Variants in VPS13C observed in about 807,000 individuals in gnomAD.
VPS13C encodes intermembrane lipid transfer protein VPS13C.
VPS13C carries 358 observed loss-of-function variants against 456.8 expected under a neutral mutation model. That is an observed-to-expected ratio of 0.78 (90% CI 0.72 to 0.86). The LOEUF is 0.86. Among genes scored for constraint, VPS13C ranks in the 40% least tolerant of loss-of-function variants. The pLI, the probability that VPS13C is intolerant of heterozygous loss-of-function variation, is 0.00. For missense variants in VPS13C, 4,818 were observed against 4,385.4 expected (o/e 1.10, Z -2.79); for synonymous variants, 1,578 against 1,486.7 (o/e 1.06, Z -1.41).
In VPS13C at chr15:61,890,903, C is replaced by T. The variant is rs62009079; in HGVS notation, c.9106-503G>A. Among the ~76,000 whole-genome samples the T allele has an allele frequency of 2.9e-3, 445 of 152,172 alleles. 2 individuals are homozygous for T. The highest frequency in any genetic ancestry group is 4.5e-3 in the Non-Finnish European group (304 of 67,998). On this transcript the variant is annotated intron_variant, in intron 66 of 84. Coordinates refer to ENST00000644861, the MANE Select transcript of VPS13C (RefSeq NM_020821.3). ...CTCCACTAAAAATACAAAAATTAGC[C>T]AGGCATGGTGGCGGGCACCTGTAAT...
Position 61,925,473 on chromosome 15 carries a change from T to C in VPS13C, c.6592A>G (p.Lys2198Glu), listed in dbSNP as rs1313014669. The C allele has an allele frequency of 6.3e-7, 1 of 1,582,042 alleles. No homozygotes were observed. Among genetic ancestry groups the C allele is most frequent in the Non-Finnish European group, 8.6e-7 (1 of 1,161,944 alleles). ...GTACTAACCTTAATTATAAATTCTTTAACCATAATATTTATATTTTGCTTT... is the reference window on the plus strand; with the variant it reads ...GTACTAACCTTAATTATAAATTCTTCAACCATAATATTTATATTTTGCTTT... ...SGKQNINIMV[K>E]EFIIKISPII... Residue 2198 changes from lysine (K) to glutamate (E), a missense_variant, in exon 53 of 85, where the codon AAA becomes GAA. Lys to Glu is a moderately conservative substitution (Grantham distance 56, BLOSUM62 1). This residue lies in a region of VPS13C where 4,552 missense variants were observed against 4,130.6 expected (regional missense o/e 1.10). Transcript: ENST00000644861.
intron 23 of VPS13C, among the ~76,000 whole-genome samples, chr15:61,978,398 T>C (rs910768225): frequency 5.9e-5 from 9 of 152,332 alleles, no homozygotes; most frequent in African/African-American, 9.6e-5. Flanking sequence ...TAGGCTTAGA[T>C]TGAAATGGAG....
intron 15 of VPS13C, among the ~76,000 whole-genome samples, chr15:62,006,141 A>G (rs1243042285): frequency 6.6e-6 from 1 of 151,528 alleles, no homozygotes; most frequent in Non-Finnish European, 1.5e-5. Context: ...TCTAGGGTAC[A>G]TGCGCACATT....
At chr15:61,886,484 T>C (rs1896280869) in intron 67 of VPS13C, among the ~76,000 whole-genome samples, 1 of 152,088 alleles carries the variant, frequency 6.6e-6, no homozygotes, top group Non-Finnish European at 1.5e-5. Flanking sequence ...ATGACGGATA[T>C]ATATCAGTAA....
chr15:62,038,970 A>G (rs2048153369), intron 3 of VPS13C, among the ~76,000 whole-genome samples: 1 of 152,216 alleles, frequency 6.6e-6, no homozygotes, highest in Admixed American at 6.5e-5. Flanking sequence ...GCATGGATAC[A>G]GAGGAGAGGG....
In VPS13C at chr15:61,853,904, T is replaced by G; in HGVS notation, c.*553A>C. 6.6e-6 allele frequency: 1 copy of G among 151,302 alleles called. No homozygotes were observed. The highest frequency in any genetic ancestry group is 1.5e-5 in the Non-Finnish European group (1 of 68,154). The allele number at this position is 151,302 out of a possible 1,614,324, so 9.4% of individuals were successfully genotyped here. A position where few individuals can be genotyped will look rare whatever the true frequency, so the allele number is the denominator to read the frequency against. The stretch of plus-strand genomic sequence containing the variant: ...AAAAAAAAAAAAAATTACCCAGGCG[T>G]GGTGGCACACACCTGTAATCCCAGC... On this transcript the variant is annotated 3_prime_UTR_variant, in exon 85 of 85. Transcript: ENST00000644861.
In VPS13C at chr15:62,010,632, C is replaced by A. The variant is rs1486903962; in HGVS notation, c.884-33G>T. ...CACATGGGAAGACATAAGATATGTTCATATGCTTTTACATATAAACAAGTG... is the reference window on the plus strand; with the variant it reads ...CACATGGGAAGACATAAGATATGTTAATATGCTTTTACATATAAACAAGTG... On this transcript the variant is annotated intron_variant, in intron 12 of 84. Coordinates refer to ENST00000644861, the MANE Select transcript of VPS13C (RefSeq NM_020821.3). 4 of 1,556,226 alleles carry A rather than the reference C, an allele frequency of 2.6e-6. No individual in the cohort carries two copies. The South Asian group carries it at 3.7e-5, about 14-fold the overall frequency.
At chr15:61,943,911 C>CTA in intron 45 of VPS13C, among the ~76,000 whole-genome samples, 1 of 82,388 alleles carries the variant, frequency 1.2e-5, no homozygotes, top group Admixed American at 1.1e-4. Flanking sequence ...CATCCAGAAT[C>CTA]TATAAAAAAA....
At chr15:61,943,332 C>T (rs1325578846) in intron 45 of VPS13C, among the ~76,000 whole-genome samples, 1 of 151,962 alleles carries the variant, frequency 6.6e-6, no homozygotes, top group African/African-American at 2.4e-5. Flanking sequence ...GCAAAAAGAA[C>T]AAAGCTGAGG....
At chr15:61,864,675 A>G (rs1894421454) in intron 81 of VPS13C, 2 of 985,436 alleles carry the variant, frequency 2.0e-6, no homozygotes, top group Non-Finnish European at 2.4e-6. Context: ...AAAGCCATGA[A>G]TAAGGAAGAG....
intron 40 of VPS13C, 130 bp from the exon 41 acceptor site, chr15:61,950,547 A>C (rs1289150674): frequency 2.7e-6 from 2 of 732,930 alleles, no homozygotes; most frequent in Non-Finnish European, 4.3e-6. Context: ...AAGGCAAAGA[A>C]AGCCATTCAA....
chr15:61,990,276 G>GA (rs562021437), intron 18 of VPS13C, among the ~76,000 whole-genome samples: 56 of 152,196 alleles, frequency 3.7e-4, no homozygotes, highest in African/African-American at 1.3e-3. Context: ...AATGATGGGG[G>GA]ATCTAGGGAC....
chr15:61,856,438 C>G (rs1273543076), intron 82 of VPS13C, 29 bp from the exon 83 acceptor site: 28 of 1,609,206 alleles, frequency 1.7e-5, no homozygotes, highest in Non-Finnish European at 2.0e-5. Flanking sequence ...CAAAAACTTA[C>G]AGTAAATGAT....
rs753568052 is a variant in VPS13C, at chr15:62,060,355, A to G, written c.20T>C (p.Val7Ala). ...CAGGAAGCGGTTCAGCAAGTCCGCG[A>G]CCACCGACTCCAGCACCATGGTGGC... MVLESV[V>A]ADLLNRFLGD... The change falls in exon 1 of 85, where the codon GTC (valine) becomes GCC (alanine). Residue 7 changes from valine to alanine, a missense_variant. Coordinates refer to ENST00000644861, the MANE Select transcript of VPS13C (RefSeq NM_020821.3). 6.2e-7 allele frequency: 1 copy of G among 1,601,158 alleles called. No individual in the cohort carries two copies. Among genetic ancestry groups the G allele is most frequent in the Admixed American group, 1.7e-5 (1 of 59,202 alleles).
intron 20 of VPS13C, among the ~76,000 whole-genome samples, chr15:61,983,275 A>AT (rs1373969000): frequency 6.6e-6 from 1 of 152,200 alleles, no homozygotes; most frequent in Non-Finnish European, 1.5e-5. Context: ...AAGTGATGCA[A>AT]TGAGTAGTGA....
Position 61,907,287 on chromosome 15 carries a change from C to T in VPS13C, c.9082G>A (p.Val3028Ile). Residue 3028 changes from valine (V) to isoleucine (I), a missense_variant, in exon 66 of 85, where the codon GTT becomes ATT. By Grantham distance (29) the Val-to-Ile change is conservative (BLOSUM62 3). Transcript: ENST00000644861. Reference sequence around the variant, plus strand: ...ACCTTTAACAGATCATGTTCCCCAACATTTGCTGCATATGTCCATGTAAGT... The same window carrying T: ...ACCTTTAACAGATCATGTTCCCCAATATTTGCTGCATATGTCCATGTAAGT... ...RKLTWTYAAN[V>I]GEHDLLKDGC... The T allele has an allele frequency of 3.7e-6, 6 of 1,613,962 alleles. No individual in the cohort carries two copies. Among genetic ancestry groups the T allele is most frequent in the African/African-American group, 1.3e-5 (1 of 75,050 alleles).
rs1054701418 is a variant in VPS13C, at chr15:61,982,122, A to G, written c.2029+337T>C. Among the ~76,000 whole-genome samples, 20 of 152,210 alleles carry G rather than the reference A, an allele frequency of 1.3e-4. No homozygotes were observed. The East Asian group carries it at 2.7e-3, about 21-fold the overall frequency. On this transcript the variant is annotated intron_variant, in intron 21 of 84. Transcript: ENST00000644861. Reference sequence around the variant, plus strand: ...GAGTTTAGAGGTCATGTTATACAAAAGTAAGTATCTTTCAAACTATATTCA... The same window carrying G: ...GAGTTTAGAGGTCATGTTATACAAAGGTAAGTATCTTTCAAACTATATTCA...
At chr15:61,870,497 T>C (rs978318950) in intron 79 of VPS13C, among the ~76,000 whole-genome samples, 2 of 152,352 alleles carry the variant, frequency 1.3e-5, no homozygotes, top group East Asian at 3.9e-4. Flanking sequence ...CTCTAATGTA[T>C]GAAAATATCA....
intron 47 of VPS13C, among the ~76,000 whole-genome samples, chr15:61,938,050 T>C (rs1209478829): frequency 6.6e-6 from 1 of 152,134 alleles, no homozygotes; most frequent in African/African-American, 2.4e-5. Flanking sequence ...ACCAGAGAAA[T>C]TGCCTAGTTC....
Sources: gnomAD v4.1 joint callset for allele counts (sites outside exome capture counted in the v4.1 genomes callset) on GRCh38, gnomAD v4.1.1 for gene constraint, gnomAD v4.1.1 regional missense constraint, MANE v1.5 for transcripts, NCBI Gene and HGNC (gene_info 2026-07-23, HGNC 2026-07-21) for gene names.